Variants in GALNT2 observed in about 807,000 individuals in gnomAD.
GALNT2 encodes UDP-GalNAc:polypeptide N-acetylgalactosaminyltransferase 2.
Under a neutral mutation model 81.4 loss-of-function variants are expected in GALNT2, and 31 were observed. The observed-to-expected ratio is 0.38, with a 90% CI of 0.29 to 0.51. GALNT2 has a LOEUF of 0.51. GALNT2 is among the 20% of genes least tolerant of loss of function. The probability of loss-of-function intolerance (pLI) is 0.87; values close to 1 mark genes in which losing one functional copy is unlikely to be tolerated. For synonymous variants in GALNT2, 303 were observed against 287.4 expected (o/e 1.05, Z -0.55); for missense variants, 629 against 765.7 (o/e 0.82, Z 2.11).
intron 1 of GALNT2, among the ~76,000 whole-genome samples, chr1:230,114,025 C>A (rs140285857): frequency 1.8e-4 from 28 of 152,256 alleles, no homozygotes; most frequent in Middle Eastern, 3.4e-3. Context: ...AAAACCCTTG[C>A]GTTCCCAGCC....
chr1:230,272,092 C>G (rs1008597352), intron 14 of GALNT2, among the ~76,000 whole-genome samples: 2 of 152,168 alleles, frequency 1.3e-5, no homozygotes, highest in African/African-American at 4.8e-5. Flanking sequence ...CCTAAAACCC[C>G]TGTGGCTCAG....
At chr1:230,269,574 G>A (rs1196926243) in intron 14 of GALNT2, among the ~76,000 whole-genome samples, 1 of 152,074 alleles carries the variant, frequency 6.6e-6, no homozygotes, top group Non-Finnish European at 1.5e-5. Flanking sequence ...GGCACCACCA[G>A]ATCTCTAAGA....
chr1:230,067,348 T>G lies in GALNT2; in HGVS notation c.68T>G (p.Met23Arg). The change falls in exon 1 of 16, where the codon ATG (methionine) becomes AGG (arginine). Residue 23 changes from methionine (M) to arginine (R), a missense_variant. Met to Arg is a moderately conservative substitution (Grantham distance 91). This residue lies in a region of GALNT2 where 62 missense variants were observed against 47.3 expected (regional missense o/e 1.31). Coordinates refer to ENST00000366672, the MANE Select transcript of GALNT2 (RefSeq NM_004481.5). ...TGGGTGCTGGGCATCGCCTACTACA[T>G]GTACTCGGGGGGCGGCTCTGCGCTG... ...FLWVLGIAYY[M>R]YSGGGSALAG... 7.3e-7 allele frequency: 1 copy of G among 1,374,236 alleles called. No individual in the cohort carries two copies. The highest frequency in any genetic ancestry group is 9.5e-7 in the Non-Finnish European group (1 of 1,051,276). The allele number at this position is 1,374,236 out of a possible 1,614,324, so 85.1% of individuals were successfully genotyped here.
At chr1:230,210,341 G>A (rs1377588684) in intron 3 of GALNT2, among the ~76,000 whole-genome samples, 5 of 152,250 alleles carry the variant, frequency 3.3e-5, no homozygotes, top group Admixed American at 6.5e-5. Context: ...ACTAGACACC[G>A]TTCCTTTTGA....
At chr1:230,112,520 G>A (rs566051491) in intron 1 of GALNT2, among the ~76,000 whole-genome samples, 1 of 152,294 alleles carries the variant, frequency 6.6e-6, no homozygotes, top group Non-Finnish European at 1.5e-5. Flanking sequence ...GGCAGGATTG[G>A]GGTGAGGGCA....
chr1:230,132,202 G>T (rs367554979), intron 1 of GALNT2, among the ~76,000 whole-genome samples: 4 of 152,158 alleles, frequency 2.6e-5, no homozygotes, highest in African/African-American at 9.7e-5. Context: ...AGTAACAGTA[G>T]TAACTGTGGC....
At chr1:230,232,846 C>T (rs1664907185) in intron 3 of GALNT2, among the ~76,000 whole-genome samples, 1 of 152,280 alleles carries the variant, frequency 6.6e-6, no homozygotes, top group African/African-American at 2.4e-5. Context: ...ATGTCAGGAG[C>T]TCTAATGAGG....
Position 230,078,670 on chromosome 1 carries a change from C to T in GALNT2, c.126+11264C>T, listed in dbSNP as rs60341138. 3.1e-3 allele frequency among the ~76,000 whole-genome samples: 466 copies of T among 152,374 alleles called. 5 individuals are homozygous for T. The highest frequency in any genetic ancestry group is 0.011 in the African/African-American group (438 of 41,588). The stretch of plus-strand genomic sequence containing the variant: ...GAGTATCTACATTCTTTGGAAATTG[C>T]TAATCCTGGTGCAGTTTCTGGTGGT... On this transcript the variant is annotated intron_variant, in intron 1 of 15. Coordinates refer to ENST00000366672, the MANE Select transcript of GALNT2 (RefSeq NM_004481.5).
chr1:230,078,348 C>T (rs1006523406), intron 1 of GALNT2, among the ~76,000 whole-genome samples: 4 of 152,198 alleles, frequency 2.6e-5, no homozygotes, highest in African/African-American at 9.7e-5. Flanking sequence ...GTTCATTCTA[C>T]TGTTTTATTT....
chr1:230,079,197 A>C (rs1009190222), intron 1 of GALNT2, among the ~76,000 whole-genome samples: 12 of 152,244 alleles, frequency 7.9e-5, no homozygotes, highest in Admixed American at 2.6e-4. Flanking sequence ...AGGCTATTTT[A>C]CGTGGTATTT....
intron 1 of GALNT2, among the ~76,000 whole-genome samples, chr1:230,071,487 C>T (rs1046227571): frequency 6.6e-6 from 1 of 152,112 alleles, no homozygotes; most frequent in Non-Finnish European, 1.5e-5. Context: ...TGGTGGGATC[C>T]CAGGTTCTGA....
chr1:230,261,220 A>G (rs991928055), intron 11 of GALNT2, among the ~76,000 whole-genome samples: 2 of 151,942 alleles, frequency 1.3e-5, no homozygotes, highest in South Asian at 2.1e-4. Context: ...AGGTGCATTC[A>G]TATGTTCTTA....
chr1:230,139,734 A>G (rs1425227172), intron 1 of GALNT2, among the ~76,000 whole-genome samples: 1 of 152,246 alleles, frequency 6.6e-6, no homozygotes, highest in Non-Finnish European at 1.5e-5. Context: ...TTGCCGTTGC[A>G]TGGACTAAGG....
chr1:230,215,713 T>C (rs929404518), intron 3 of GALNT2, among the ~76,000 whole-genome samples: 1 of 152,204 alleles, frequency 6.6e-6, no homozygotes, highest in Non-Finnish European at 1.5e-5. Flanking sequence ...CAGACTGAGG[T>C]TAAAATAATC....
chr1:230,273,278 C>T (rs1171417062), intron 14 of GALNT2, among the ~76,000 whole-genome samples: 1 of 152,180 alleles, frequency 6.6e-6, no homozygotes, highest in Admixed American at 6.5e-5. Flanking sequence ...TTCATGTTCC[C>T]CACTAGAAAG....
chr1:230,273,895 A>T (rs1036536247), intron 14 of GALNT2, among the ~76,000 whole-genome samples: 1 of 152,358 alleles, frequency 6.6e-6, no homozygotes, highest in South Asian at 2.1e-4. Context: ...AGAGGGCTTC[A>T]TGAGCACCCA....
At chr1:230,106,371 C>T (rs559134950) in intron 1 of GALNT2, among the ~76,000 whole-genome samples, 59 of 152,254 alleles carry the variant, frequency 3.9e-4, no homozygotes, top group African/African-American at 1.4e-3. Flanking sequence ...CTCCTCCTGG[C>T]CTGGAATGAA....
intron 1 of GALNT2, among the ~76,000 whole-genome samples, chr1:230,093,073 T>TC (rs920416352): frequency 6.6e-6 from 1 of 152,118 alleles, no homozygotes; most frequent in Non-Finnish European, 1.5e-5. Flanking sequence ...TGTGCTCTAG[T>TC]CCCCCTATAC....
At chr1:230,139,760 A>G (rs1572009557) in intron 1 of GALNT2, among the ~76,000 whole-genome samples, 2 of 152,240 alleles carry the variant, frequency 1.3e-5, no homozygotes, top group Non-Finnish European at 2.9e-5. Flanking sequence ...GGAAGGATGA[A>G]CTGGTGTATT....
Sources: allele counts gnomAD v4.1 joint callset (sites outside exome capture counted in the v4.1 genomes callset), GRCh38; gene constraint gnomAD v4.1.1; regional missense constraint gnomAD v4.1.1; transcripts MANE v1.5; gene names NCBI Gene and HGNC (gene_info 2026-07-23, HGNC 2026-07-21).